The following CMC2 variants were observed in gnomAD, a reference collection of about 807,000 sequenced individuals.
The protein encoded by CMC2 is C-X9-C motif containing 2.
A neutral mutation model predicts 7.5 loss-of-function variants in CMC2; 5 were observed. The ratio of observed to expected loss-of-function variants is 0.66; its 90% CI spans 0.35 to 1.40. The LOEUF is 1.40. Among genes scored for constraint, CMC2 ranks in the 40% most tolerant of loss-of-function variants. The probability of loss-of-function intolerance (pLI) is 0.04; values close to 1 mark genes in which losing one functional copy is unlikely to be tolerated. For missense variants in CMC2, 115 were observed against 92.3 expected (o/e 1.25, Z -1.01); for synonymous variants, 37 against 31.4 (o/e 1.18, Z -0.60).
chr16:80,992,358 T>C (rs1207807054), intron 2 of CMC2, among the ~76,000 whole-genome samples: 1 of 152,196 alleles, frequency 6.6e-6, no homozygotes, highest in Admixed American at 6.5e-5. Context: ...AGAGTTATAC[T>C]TTTAAGATAA....
chr16:80,979,435 A>G (rs1392230965), intron 3 of CMC2, among the ~76,000 whole-genome samples: 1 of 152,162 alleles, frequency 6.6e-6, no homozygotes, highest in Non-Finnish European at 1.5e-5. Flanking sequence ...ACAATTTCAT[A>G]TGAAGATCTA....
chr16:80,987,030 G>C (rs1375493853), intron 2 of CMC2, among the ~76,000 whole-genome samples: 1 of 152,160 alleles, frequency 6.6e-6, no homozygotes, highest in African/African-American at 2.4e-5. Context: ...GTTTTGAGAG[G>C]GAATCAATTG....
intron 2 of CMC2, among the ~76,000 whole-genome samples, chr16:80,995,629 G>C (rs560439865): frequency 3.3e-5 from 5 of 152,086 alleles, no homozygotes; most frequent in African/African-American, 1.2e-4. Flanking sequence ...TACACTCTAG[G>C]TTGGGTGACA....
chr16:80,986,742 G>T (rs1404748574), intron 2 of CMC2, among the ~76,000 whole-genome samples: 1 of 152,228 alleles, frequency 6.6e-6, no homozygotes, highest in Non-Finnish European at 1.5e-5. Flanking sequence ...CTGGCTTTCA[G>T]CCAAGAATGA....
chr16:81,005,355 T>G (rs1969197555), intron 1 of CMC2, among the ~76,000 whole-genome samples: 1 of 151,994 alleles, frequency 6.6e-6, no homozygotes, highest in Non-Finnish European at 1.5e-5. Flanking sequence ...GAGGTTGCAG[T>G]GAGCCGAGAT....
At chr16:81,001,450 C>T (rs974951523) in intron 1 of CMC2, 6 of 152,082 alleles carry the variant, frequency 3.9e-5, no homozygotes, top group African/African-American at 7.2e-5. Flanking sequence ...ATGGTGGTTA[C>T]CAGAGGGAGG....
rs947609019 is a variant in CMC2 at position 80,974,451 on chromosome 16, A to C, written c.*1642T>G. On this transcript the variant is annotated 3_prime_UTR_variant, in exon 4 of 4. Transcript: ENST00000219400. Reference sequence around the variant, plus strand: ...AAAACCTGCAACTGGTCATCACAGCACTGAAAATAAAATTCCAACAGATTT... The same window carrying C: ...AAAACCTGCAACTGGTCATCACAGCCCTGAAAATAAAATTCCAACAGATTT... The C allele has an allele frequency of 6.6e-6, 1 of 152,226 alleles. No individual in the cohort carries two copies. Among genetic ancestry groups the C allele is most frequent in the Non-Finnish European group, 1.5e-5 (1 of 68,042 alleles). The allele number at this position is 152,226 out of a possible 1,614,324, so 9.4% of individuals were successfully genotyped here. A position where few individuals can be genotyped will look rare whatever the true frequency, so the allele number is the denominator to read the frequency against.
At chr16:80,986,851 G>A (rs186256024) in intron 2 of CMC2, among the ~76,000 whole-genome samples, 7 of 152,344 alleles carry the variant, frequency 4.6e-5, no homozygotes, top group Non-Finnish European at 7.4e-5. Context: ...AGATAAACCT[G>A]GAACTCAGAG....
At position 80,968,289 on chromosome 16, in the gene CMC2, T is replaced by G. The variant is rs1911692296; in HGVS notation, c.*7804A>C. On this transcript the variant is annotated 3_prime_UTR_variant, in exon 4 of 4. Transcript: ENST00000219400. ...CTTACTATGTTGCCCAAGCTGGTCT[T>G]GAACTCCCTGGCCTCAAGCAATTCT... 6.6e-6 allele frequency: 1 copy of G among 152,276 alleles called. No homozygotes were observed. The highest frequency in any genetic ancestry group is 1.5e-5 in the Non-Finnish European group (1 of 68,106). The allele number at this position is 152,276 out of a possible 1,614,324, so 9.4% of individuals were successfully genotyped here. A position where few individuals can be genotyped will look rare whatever the true frequency, so the allele number is the denominator to read the frequency against.
At chr16:80,983,368 G>C (rs1271430029) in intron 2 of CMC2, 3 of 152,182 alleles carry the variant, frequency 2.0e-5, no homozygotes, top group Non-Finnish European at 2.9e-5. Context: ...AGGAATAAAT[G>C]TTCTGCAAGT....
In CMC2 at chr16:80,974,179, C is replaced by G. The variant is rs577519143; in HGVS notation, c.*1914G>C. The G allele has an allele frequency of 6.6e-6, 1 of 152,420 alleles. No individual in the cohort carries two copies. The highest frequency in any genetic ancestry group is 2.1e-4 in the South Asian group (1 of 4,820). The allele number at this position is 152,420 out of a possible 1,614,324, so 9.4% of individuals were successfully genotyped here. A position where few individuals can be genotyped will look rare whatever the true frequency, so the allele number is the denominator to read the frequency against. The stretch of plus-strand genomic sequence containing the variant: ...CCTAGACACTTCCTTAAACCCTACA[C>G]CTAGTCAGTCATGCTGACTCAATGC... On this transcript the variant is annotated 3_prime_UTR_variant, in exon 4 of 4. Transcript: ENST00000219400.
rs1192393041 is a variant in CMC2 at position 80,969,507 on chromosome 16, C to T, written c.*6586G>A. 1 of 152,178 alleles carries T rather than the reference C, an allele frequency of 6.6e-6. No individual in the cohort carries two copies. The highest frequency in any genetic ancestry group is 2.4e-5 in the African/African-American group (1 of 41,404). 9.4% of individuals were successfully genotyped at this position (152,178 alleles called of 1,614,324 possible). Reference sequence around the variant, plus strand: ...ATTAATGAACTCTCAAAACTGATCCCGTAGGGTTCCCTCCCAGGACAAGAC... The same window carrying T: ...ATTAATGAACTCTCAAAACTGATCCTGTAGGGTTCCCTCCCAGGACAAGAC... On this transcript the variant is annotated 3_prime_UTR_variant, in exon 4 of 4. Transcript: ENST00000219400.
At chr16:80,992,967 T>C (rs1288478490) in intron 2 of CMC2, among the ~76,000 whole-genome samples, 2 of 152,140 alleles carry the variant, frequency 1.3e-5, no homozygotes, top group African/African-American at 4.8e-5. Flanking sequence ...GTCTCTGGAA[T>C]TCAGGGTCCT....
At chr16:80,999,348 A>G (rs1478584343) in intron 1 of CMC2, among the ~76,000 whole-genome samples, 2 of 152,232 alleles carry the variant, frequency 1.3e-5, no homozygotes, top group African/African-American at 2.4e-5. Flanking sequence ...CCAGGAATAC[A>G]TCCAACCAAG....
rs536423293 is a variant in CMC2 at position 80,999,814 on chromosome 16, C to CAAT, written c.-35-2388_-35-2386dup. 1.1e-4 allele frequency among the ~76,000 whole-genome samples: 17 copies of CAAT among 152,280 alleles called. No individual in the cohort carries two copies. The South Asian group carries it at 3.5e-3, about 32-fold the overall frequency. On this transcript the variant is annotated intron_variant, in intron 1 of 3. Coordinates refer to ENST00000219400, the MANE Select transcript of CMC2 (RefSeq NM_020188.5). The stretch of plus-strand genomic sequence containing the variant: ...AGCAATGGCAAAAGGACTTCCCATT[C>CAAT]AATAAATGGTGCTGGGATAGTTGGC...
intron 1 of CMC2, among the ~76,000 whole-genome samples, chr16:80,999,959 C>G (rs1257598691): frequency 6.6e-6 from 1 of 152,036 alleles, no homozygotes; most frequent in South Asian, 2.1e-4. Flanking sequence ...AGAAGAAAAC[C>G]CAGGAAACAC....
At position 80,970,568 on chromosome 16, in the gene CMC2, C is replaced by T. The variant is rs959974496; in HGVS notation, c.*5525G>A. ...TCTGATGTATCTATTAAACATTATA[C>T]TGAATGTTCTAAGTACAATAAAATA... On this transcript the variant is annotated 3_prime_UTR_variant, in exon 4 of 4. Transcript: ENST00000219400. 3 of 152,148 alleles carry T rather than the reference C, an allele frequency of 2.0e-5. No homozygotes were observed. Among genetic ancestry groups the T allele is most frequent in the South Asian group, 2.1e-4 (1 of 4,826 alleles). 9.4% of individuals were successfully genotyped at this position (152,148 alleles called of 1,614,324 possible). A position where few individuals can be genotyped will look rare whatever the true frequency, so the allele number is the denominator to read the frequency against.
chr16:80,977,391 T>C (rs767354030), intron 3 of CMC2, among the ~76,000 whole-genome samples: 4 of 152,064 alleles, frequency 2.6e-5, no homozygotes, highest in African/African-American at 4.8e-5. Context: ...CATACACCAA[T>C]CCAACACACT....
chr16:80,976,845 T>C (rs1051837902), intron 3 of CMC2, among the ~76,000 whole-genome samples: 11 of 152,218 alleles, frequency 7.2e-5, no homozygotes, highest in African/African-American at 1.4e-4. Context: ...GCGCTGAACA[T>C]TGCTAGTTTC....
Sources: gnomAD v4.1 joint callset for allele counts (sites outside exome capture counted in the v4.1 genomes callset) on GRCh38, gnomAD v4.1.1 for gene constraint, MANE v1.5 for transcripts, NCBI Gene and HGNC (gene_info 2026-07-23, HGNC 2026-07-21) for gene names.